ACBD6: variants seen among roughly 807,000 people sequenced by gnomAD.
ACBD6 encodes acyl-CoA binding domain containing 6.
Under a neutral mutation model 37.2 loss-of-function variants are expected in ACBD6, and 28 were observed. That is an observed-to-expected ratio of 0.75 (90% CI 0.56 to 1.03). The LOEUF (loss-of-function observed/expected upper bound fraction) is 1.03, where lower values mean the gene tolerates loss of function less well. Among genes scored for constraint, ACBD6 ranks in the 50% least tolerant of loss-of-function variants. The pLI, the probability that ACBD6 is intolerant of heterozygous loss-of-function variation, is 0.00. For missense variants in ACBD6, 340 were observed against 337.4 expected, an observed-to-expected ratio of 1.01 and a Z score of -0.06; for synonymous variants, 113 against 126.8, an observed-to-expected ratio of 0.89 and a Z score of 0.73.
At chr1:180,436,082 G>C in intron 3 of ACBD6, 1 of 591,216 alleles carries the variant, frequency 1.7e-6, no homozygotes, top group Non-Finnish European at 3.0e-6. Flanking sequence ...AGATGATTCA[G>C]CTTTAAGATG....
At chr1:180,494,485 C>CA (rs938901746) in intron 2 of ACBD6, among the ~76,000 whole-genome samples, 20 of 151,176 alleles carry the variant, frequency 1.3e-4, no homozygotes, top group East Asian at 1.9e-4. Context: ...CTGTCCTATA[C>CA]AAAAAAAAAT....
intron 6 of ACBD6, among the ~76,000 whole-genome samples, chr1:180,337,829 C>T (rs1320542898): frequency 3.9e-5 from 6 of 152,116 alleles, no homozygotes; most frequent in Non-Finnish European, 7.3e-5. Flanking sequence ...AATCAATGTG[C>T]AAAAATCACA....
chr1:180,364,164 T>C (rs1652954283), intron 6 of ACBD6, among the ~76,000 whole-genome samples: 1 of 152,216 alleles, frequency 6.6e-6, no homozygotes, highest in Admixed American at 6.5e-5. Context: ...ATATAATATC[T>C]ACATCTATAC....
chr1:180,458,767 A>C (rs1296730799), intron 3 of ACBD6, among the ~76,000 whole-genome samples: 1 of 152,236 alleles, frequency 6.6e-6, no homozygotes, highest in Non-Finnish European at 1.5e-5. Context: ...TGGATTCATA[A>C]TATTGGGAAG....
chr1:180,368,704 T>C (rs1187941969), intron 6 of ACBD6, among the ~76,000 whole-genome samples: 3 of 146,102 alleles, frequency 2.1e-5, no homozygotes, highest in Non-Finnish European at 3.0e-5. Context: ...AAATCCTACA[T>C]ATATTATTTT....
chr1:180,469,644 G>A (rs72716616), intron 3 of ACBD6, among the ~76,000 whole-genome samples: 24,015 of 152,080 alleles, frequency 0.16, 1,957 homozygotes, highest in Middle Eastern at 0.22. Flanking sequence ...CGTAAGAATC[G>A]AGGTTTGCCA....
At chr1:180,284,923 G>A (rs990281045), downstream of ACBD6, among the ~76,000 whole-genome samples, 11 of 151,978 alleles carry the variant, frequency 7.2e-5, no homozygotes, top group Admixed American at 1.3e-4. Context: ...AGGCCAATGC[G>A]GGCAGATCAC....
Position 180,288,262 on chromosome 1 carries a change from A to G in ACBD6, c.*101T>C, listed in dbSNP as rs1396710812. 20 of 1,529,584 alleles carry G rather than the reference A, an allele frequency of 1.3e-5. No homozygotes were observed. In the East Asian group the frequency reaches 4.3e-4, roughly 33 times the overall value. 94.8% of individuals were successfully genotyped at this position (1,529,584 alleles called of 1,614,324 possible). A position where few individuals can be genotyped will look rare whatever the true frequency, so the allele number is the denominator to read the frequency against. On this transcript the variant is annotated 3_prime_UTR_variant, in exon 8 of 8. Transcript: ENST00000367595. ...TCCACAGAACTGATTTTATTAGCCAATACATACCAAAGACGGGTGGAAAAG... is the reference window on the plus strand; with the variant it reads ...TCCACAGAACTGATTTTATTAGCCAGTACATACCAAAGACGGGTGGAAAAG...
chr1:180,314,773 T>C, intron 6 of ACBD6, 51 bp from the exon 7 acceptor site: 1 of 1,352,466 alleles, frequency 7.4e-7, no homozygotes, highest in Non-Finnish European at 1.1e-6. Flanking sequence ...ATTGCAAAAG[T>C]ATGAAAGTAC....
chr1:180,473,261 A>C lies in ACBD6; in HGVS notation c.384+19008T>G, dbSNP rs556609421. 1.8e-3 allele frequency among the ~76,000 whole-genome samples: 270 copies of C among 151,838 alleles called. 2 individuals are homozygous for C. Among genetic ancestry groups the C allele is most frequent in the African/African-American group, 6.4e-3 (266 of 41,452 alleles). On this transcript the variant is annotated intron_variant, in intron 3 of 7. Transcript: ENST00000367595. ...AGGAGATCGAGACCATCCTGGCTAA[A>C]ACGGTGAAACCCTGTCTCTACTAAA...
At chr1:180,499,819 T>G (rs1296744147) in intron 1 of ACBD6, among the ~76,000 whole-genome samples, 1 of 152,074 alleles carries the variant, frequency 6.6e-6, no homozygotes, top group Non-Finnish European at 1.5e-5. Context: ...AATTTGGAGG[T>G]AATTTTCATT....
chr1:180,383,429 C>T (rs1156562440), intron 6 of ACBD6, among the ~76,000 whole-genome samples: 2 of 152,092 alleles, frequency 1.3e-5, no homozygotes, highest in South Asian at 2.1e-4. Flanking sequence ...AGAAGGCAAT[C>T]CCATTTACAA....
At chr1:180,440,272 C>T (rs935124157) in intron 3 of ACBD6, among the ~76,000 whole-genome samples, 1 of 152,044 alleles carries the variant, frequency 6.6e-6, no homozygotes, top group Non-Finnish European at 1.5e-5. Context: ...TGACACCCGA[C>T]TAATTTTTGC....
chr1:180,497,869 A>G (rs546179872), intron 1 of ACBD6, among the ~76,000 whole-genome samples: 1 of 152,348 alleles, frequency 6.6e-6, no homozygotes, highest in African/African-American at 2.4e-5. Flanking sequence ...GTATTTTAGC[A>G]GCATTTTCAG....
chr1:180,459,685 A>G (rs905689525), intron 3 of ACBD6, among the ~76,000 whole-genome samples: 2 of 152,214 alleles, frequency 1.3e-5, no homozygotes, highest in South Asian at 2.1e-4. Flanking sequence ...TTCCATGAAG[A>G]TAAGAAAAAA....
chr1:180,314,951 A>T (rs916153954), intron 6 of ACBD6, among the ~76,000 whole-genome samples: 1 of 152,218 alleles, frequency 6.6e-6, no homozygotes, highest in African/African-American at 2.4e-5. Context: ...GAGTAACAGG[A>T]TGACCAGTTA....
intron 4 of ACBD6, among the ~76,000 whole-genome samples, chr1:180,421,571 G>A (rs1648364207): frequency 2.6e-5 from 4 of 152,184 alleles, no homozygotes; most frequent in Admixed American, 1.3e-4. Flanking sequence ...TGCAGGAATT[G>A]TCACACTGTC....
intron 6 of ACBD6, among the ~76,000 whole-genome samples, chr1:180,327,481 T>A (rs761510048): frequency 6.6e-6 from 1 of 152,350 alleles, no homozygotes; most frequent in Middle Eastern, 3.4e-3. Context: ...AACCAGGTAC[T>A]GTGATTGCTC....
At chr1:180,432,946 A>ATT (rs1451685341) in intron 3 of ACBD6, among the ~76,000 whole-genome samples, 2 of 152,026 alleles carry the variant, frequency 1.3e-5, no homozygotes, top group Admixed American at 1.3e-4. Context: ...AAAGCCCAGA[A>ATT]CCAGATCACT....
Sources: gnomAD v4.1 joint callset for allele counts (sites outside exome capture counted in the v4.1 genomes callset) on GRCh38, gnomAD v4.1.1 for gene constraint, MANE v1.5 for transcripts, NCBI Gene and HGNC (gene_info 2026-07-23, HGNC 2026-07-21) for gene names.